SPATA6: variants seen among roughly 807,000 people sequenced by gnomAD.
SPATA6 encodes the protein spermatogenesis associated 6, also known as spermatogenesis-associated protein 6.
In SPATA6, 56 loss-of-function variants were observed where a neutral mutation model predicts 65.3. The ratio of observed to expected loss-of-function variants is 0.86; its 90% CI spans 0.69 to 1.07. The LOEUF (loss-of-function observed/expected upper bound fraction) is 1.07, where lower values mean the gene tolerates loss of function less well. SPATA6 is among the 50% of genes least tolerant of loss of function. The pLI is 0.00. For missense variants in SPATA6, 590 were observed against 594.8 expected (o/e 0.99, Z 0.08); for synonymous variants, 199 against 213.2 (o/e 0.93, Z 0.58).
At chr1:48,432,758 C>G (rs1039440610) in intron 3 of SPATA6, among the ~76,000 whole-genome samples, 6 of 152,116 alleles carry the variant, frequency 3.9e-5, no homozygotes, top group African/African-American at 1.4e-4. Flanking sequence ...ACCATATGAT[C>G]CAGCAATTCC....
intron 3 of SPATA6, 83 bp from the exon 4 acceptor site, chr1:48,413,234 G>T: frequency 1.7e-6 from 1 of 594,082 alleles, no homozygotes; most frequent in Non-Finnish European, 2.6e-6. Flanking sequence ...GTGTCTAAAA[G>T]CCAAAGTAAT....
intron 11 of SPATA6, among the ~76,000 whole-genome samples, chr1:48,320,294 A>G (rs1450011521): frequency 6.6e-6 from 1 of 152,252 alleles, no homozygotes; most frequent in Non-Finnish European, 1.5e-5. Flanking sequence ...TAACCCAACT[A>G]AGACTACCTC....
At position 48,333,897 on chromosome 1, in the gene SPATA6, CAAGAA is replaced by C. The variant is rs577605933; in HGVS notation, c.1194+21768_1194+21772del. Among the ~76,000 whole-genome samples the C allele has an allele frequency of 4.0e-5, 6 of 151,840 alleles. No homozygotes were observed. The South Asian group carries it at 1.2e-3, about 32-fold the overall frequency. ...TTAATAAGATAGTCAGCTAGACAAA[CAAGAA>C]AAGAGAGCATATCCAAATAAACACT... On this transcript the variant is annotated intron_variant, in intron 11 of 12. Coordinates refer to ENST00000371847, the MANE Select transcript of SPATA6 (RefSeq NM_019073.4).
intron 1 of SPATA6, among the ~76,000 whole-genome samples, chr1:48,454,312 CTT>C (rs1444340010): frequency 6.6e-6 from 1 of 152,008 alleles, no homozygotes; most frequent in Non-Finnish European, 1.5e-5. Context: ...GTTCTCTTTT[CTT>C]GACTCATGTT....
At chr1:48,433,271 TAA>T (rs1250642757) in intron 3 of SPATA6, among the ~76,000 whole-genome samples, 6 of 152,094 alleles carry the variant, frequency 3.9e-5, no homozygotes, top group African/African-American at 1.4e-4. Context: ...TTAAAATGAT[TAA>T]GATAGTAAAT....
chr1:48,457,158 A>G (rs1657065605), intron 1 of SPATA6, among the ~76,000 whole-genome samples: 2 of 152,186 alleles, frequency 1.3e-5, no homozygotes, highest in South Asian at 4.1e-4. Context: ...CTATCCAGGC[A>G]TGGTGGCTCA....
the SPATA6 span, among the ~76,000 whole-genome samples, chr1:48,269,296 T>G: frequency 2.6e-5 from 4 of 152,192 alleles, no homozygotes; most frequent in African/African-American, 9.6e-5. Flanking sequence ...TGCATTGTAC[T>G]AGGTACTCCA....
chr1:48,310,118 G>T (rs988079390), intron 11 of SPATA6, among the ~76,000 whole-genome samples: 2 of 152,114 alleles, frequency 1.3e-5, no homozygotes, highest in African/African-American at 2.4e-5. Flanking sequence ...TTTTTCATTG[G>T]TCTATTGTTT....
intron 11 of SPATA6, among the ~76,000 whole-genome samples, chr1:48,339,714 C>T (rs1646155535): frequency 6.6e-6 from 1 of 151,850 alleles, no homozygotes; most frequent in Admixed American, 6.6e-5. Flanking sequence ...TAGTAAATAT[C>T]CACAATAAAA....
At chr1:48,308,912 G>T (rs534428663) in intron 11 of SPATA6, among the ~76,000 whole-genome samples, 4 of 152,066 alleles carry the variant, frequency 2.6e-5, no homozygotes, top group East Asian at 1.9e-4. Context: ...TAGATATAGG[G>T]TCTAACTCTG....
intron 9 of SPATA6, among the ~76,000 whole-genome samples, chr1:48,377,465 T>C (rs1648051628): frequency 6.6e-6 from 1 of 152,148 alleles, no homozygotes; most frequent in African/African-American, 2.4e-5. Context: ...TTTCATAGCG[T>C]AAACTCCTAT....
At chr1:48,370,461 A>T (rs947526564) in intron 9 of SPATA6, among the ~76,000 whole-genome samples, 1 of 152,244 alleles carries the variant, frequency 6.6e-6, no homozygotes, top group African/African-American at 2.4e-5. Flanking sequence ...CATCAAGTAA[A>T]AGATCAATTC....
intron 1 of SPATA6, among the ~76,000 whole-genome samples, chr1:48,454,073 G>A (rs1041895229): frequency 6.7e-6 from 1 of 149,596 alleles, no homozygotes; most frequent in Non-Finnish European, 1.5e-5. Context: ...ATATAGTTAA[G>A]TGCATATTAA....
chr1:48,352,559 A>T (rs187675837), intron 11 of SPATA6, among the ~76,000 whole-genome samples: 204 of 152,184 alleles, frequency 1.3e-3, no homozygotes, highest in African/African-American at 4.6e-3. Flanking sequence ...GAAAAATATG[A>T]ATATAGGCAT....
chr1:48,413,447 G>A (rs973548142), intron 3 of SPATA6, among the ~76,000 whole-genome samples: 7 of 141,252 alleles, frequency 5.0e-5, no homozygotes, highest in Non-Finnish European at 7.6e-5. Context: ...GCGCCACCAC[G>A]CCCGGATACT....
At chr1:48,307,991 T>C (rs565932515) in intron 11 of SPATA6, among the ~76,000 whole-genome samples, 7 of 152,086 alleles carry the variant, frequency 4.6e-5, no homozygotes, top group Admixed American at 3.3e-4. Flanking sequence ...CTAAAGTGCA[T>C]CTCTTGTAGA....
In SPATA6 at chr1:48,295,694, C is replaced by T. The variant is rs1234027174; in HGVS notation, c.*3019G>A. On this transcript the variant is annotated 3_prime_UTR_variant, in exon 13 of 13. Transcript: ENST00000371847. ...AACTCTGTGAATATAGTAAAAACCA[C>T]TTAATTGTATACTTTTTCAGAGTGA... 6.6e-6 allele frequency: 1 copy of T among 152,110 alleles called. No homozygotes were observed. The highest frequency in any genetic ancestry group is 1.5e-5 in the Non-Finnish European group (1 of 68,006). 9.4% of individuals were successfully genotyped at this position (152,110 alleles called of 1,614,324 possible). A position where few individuals can be genotyped will look rare whatever the true frequency, so the allele number is the denominator to read the frequency against.
chr1:48,461,860 C>T (rs1242604016), intron 1 of SPATA6, among the ~76,000 whole-genome samples: 1 of 152,150 alleles, frequency 6.6e-6, no homozygotes. Context: ...ACCCAAAGGA[C>T]TATAAACCAT....
chr1:48,359,878 CACACT>C, intron 9 of SPATA6, 108 bp from the exon 10 acceptor site: 2 of 807,172 alleles, frequency 2.5e-6, no homozygotes, highest in Non-Finnish European at 3.5e-6. Context: ...TGTGCACACA[CACACT>C]AATTTTATAA....
Sources: gnomAD v4.1 joint callset for allele counts (sites outside exome capture counted in the v4.1 genomes callset) on GRCh38, gnomAD v4.1.1 for gene constraint, MANE v1.5 for transcripts, NCBI Gene and HGNC (gene_info 2026-07-23, HGNC 2026-07-21) for gene names.